The following ABCB9 variants were observed in gnomAD, a reference collection of about 807,000 sequenced individuals.
ABCB9 encodes the protein ABC-type oligopeptide transporter ABCB9.
Under a neutral mutation model 62.0 loss-of-function variants are expected in ABCB9, and 36 were observed. The ratio of observed to expected loss-of-function variants is 0.58; its 90% CI spans 0.45 to 0.77. The LOEUF (loss-of-function observed/expected upper bound fraction) is 0.77, where lower values mean the gene tolerates loss of function less well. ABCB9 is among the 30% of genes least tolerant of loss of function. The pLI is 0.00. For missense variants in ABCB9, 943 were observed against 1,054.7 expected (o/e 0.89, Z 1.47); for synonymous variants, 435 against 461.4 (o/e 0.94, Z 0.73).
At chr12:122,946,517 T>A in intron 5 of ABCB9, 1 of 436,624 alleles carries the variant, frequency 2.3e-6, no homozygotes, top group Non-Finnish European at 4.2e-6. Flanking sequence ...AGGCTATTCA[T>A]GACTGGACAG....
chr12:122,971,993 TATC>T (rs1422494761), intron 1 of ABCB9, among the ~76,000 whole-genome samples: 1 of 151,936 alleles, frequency 6.6e-6, no homozygotes, highest in East Asian at 1.9e-4. Flanking sequence ...ATGTAGATGT[TATC>T]ATAATAAAAA....
At chr12:122,973,549 C>G (rs1256695409) in intron 1 of ABCB9, among the ~76,000 whole-genome samples, 1 of 102,166 alleles carries the variant, frequency 9.8e-6, no homozygotes, top group Non-Finnish European at 1.8e-5. Context: ...CCGGCCTGGG[C>G]GACAGAGCGA....
At chr12:122,968,914 C>A (rs73230021), upstream of ABCB9, among the ~76,000 whole-genome samples, 9 of 152,250 alleles carry the variant, frequency 5.9e-5, no homozygotes, top group Non-Finnish European at 1.0e-4. Flanking sequence ...CGCACCCGGC[C>A]TCTCTGTACC....
chr12:122,927,742 G>C (rs575430985), downstream of ABCB9, among the ~76,000 whole-genome samples: 1 of 152,298 alleles, frequency 6.6e-6, no homozygotes, highest in East Asian at 1.9e-4. Context: ...TGCAGAACAG[G>C]AATGTCCAAC....
In ABCB9 at chr12:122,959,921, T is replaced by G; in HGVS notation, c.315A>C (p.Ser105=). The change falls in exon 2 of 12, where the codon TCA becomes TCC. Residue 105 remains serine (S), a synonymous_variant. Transcript: ENST00000280560. The surrounding 1 kb of genome is among the most constrained non-coding windows in gnomAD (Gnocchi z 5.4). ...GGTCCCGGATGGGCCTGCGCACCTC[T>G]GAGAAGAGCAGCAGCTTCACCATGG... The part of the protein sequence containing the change: ...IYAMVKLLLF[S]EVRRPIRDPW... The G allele has an allele frequency of 6.2e-7, 1 of 1,613,392 alleles. No individual in the cohort carries two copies. The highest frequency in any genetic ancestry group is 8.5e-7 in the Non-Finnish European group (1 of 1,179,904).
At chr12:122,920,077 C>T (rs2034712355), downstream of ABCB9, among the ~76,000 whole-genome samples, 1 of 151,942 alleles carries the variant, frequency 6.6e-6, no homozygotes, top group Non-Finnish European at 1.5e-5. Context: ...GATGAGTTTT[C>T]ACCATGTTGG....
At chr12:122,939,255 C>G (rs2035615769) in intron 9 of ABCB9, among the ~76,000 whole-genome samples, 1 of 152,198 alleles carries the variant, frequency 6.6e-6, no homozygotes, top group Non-Finnish European at 1.5e-5. Context: ...GGTTACCACC[C>G]AGCAATGAAA....
intron 7 of ABCB9, among the ~76,000 whole-genome samples, chr12:122,943,307 C>T (rs899755246): frequency 6.6e-6 from 1 of 152,208 alleles, no homozygotes; most frequent in Non-Finnish European, 1.5e-5. Flanking sequence ...CTCCCACCCC[C>T]GTTTCCTGAG....
At chr12:122,966,936 T>A (rs550955895), upstream of ABCB9, among the ~76,000 whole-genome samples, 1 of 152,262 alleles carries the variant, frequency 6.6e-6, no homozygotes, top group African/African-American at 2.4e-5. Context: ...CGGCGTGCCA[T>A]ATGCCCTTTT....
At chr12:122,936,087 A>G (rs1301312970) in intron 9 of ABCB9, among the ~76,000 whole-genome samples, 2 of 152,186 alleles carry the variant, frequency 1.3e-5, no homozygotes, top group African/African-American at 2.4e-5. Flanking sequence ...TTGCAACACC[A>G]TAAGTAGCAA....
Position 122,930,212 on chromosome 12 carries a change from C to T in ABCB9, c.2041-41G>A, listed in dbSNP as rs1347173180. 1 of 1,502,386 alleles carries T rather than the reference C, an allele frequency of 6.7e-7. No individual in the cohort carries two copies. The highest frequency in any genetic ancestry group is 9.0e-7 in the Non-Finnish European group (1 of 1,116,490). 93.1% of individuals were successfully genotyped at this position (1,502,386 alleles called of 1,614,324 possible). ...GGGCCTGGCTTGCATGGCACGGACG[C>T]CCCACCCGCAACCGTGCTTCATGCC... On this transcript the variant is annotated intron_variant, in intron 11 of 11. Coordinates refer to ENST00000280560, the MANE Select transcript of ABCB9 (RefSeq NM_019625.4). This position sits in a 1 kb window ranked among gnomAD's most constrained non-coding sequence, Gnocchi z 4.9.
rs922476971 is a variant in ABCB9, at chr12:122,936,048, G to A, written c.1744-617C>T. ...CAGAAAGACCCCATATCTACAAAAT[G>A]AAAAAAATATATAGTATGGAAGATA... On this transcript the variant is annotated intron_variant, in intron 9 of 11. Transcript: ENST00000280560. Among the ~76,000 whole-genome samples the A allele has an allele frequency of 5.9e-5, 9 of 151,674 alleles. No homozygotes were observed. The South Asian group carries it at 1.9e-3, about 31-fold the overall frequency.
At chr12:122,925,701 T>C (rs1317961757), downstream of ABCB9, among the ~76,000 whole-genome samples, 3 of 152,046 alleles carry the variant, frequency 2.0e-5, no homozygotes, top group Non-Finnish European at 4.4e-5. Flanking sequence ...TGAGCCGAGA[T>C]TGCATCACCG....
chr12:122,935,131 G>A (rs1032379654), intron 10 of ABCB9, 141 bp downstream of exon 10: 8 of 1,040,404 alleles, frequency 7.7e-6, no homozygotes, highest in Admixed American at 3.2e-5. Context: ...CAGGAGGTTC[G>A]AGTCTGGCCA....
chr12:122,919,451 T>C (rs2034695171), downstream of ABCB9, among the ~76,000 whole-genome samples: 1 of 152,060 alleles, frequency 6.6e-6, no homozygotes, highest in Admixed American at 6.6e-5. Flanking sequence ...GGATTACAAC[T>C]GTGAGCCACT....
chr12:122,969,110 AG>A (rs1160527032), upstream of ABCB9, among the ~76,000 whole-genome samples: 2 of 146,460 alleles, frequency 1.4e-5, no homozygotes, highest in East Asian at 3.9e-4. Context: ...TGACAAGGGG[AG>A]GGTGAAACAG....
chr12:122,933,502 C>G (rs1485560193), intron 10 of ABCB9, among the ~76,000 whole-genome samples: 4 of 151,636 alleles, frequency 2.6e-5, no homozygotes. Flanking sequence ...TGCCGTGAGC[C>G]GAGATCGCGC....
Position 122,940,737 on chromosome 12 carries a change from GT to G in ABCB9, c.1569+69del. ...CCCAGCTGCCCTGCCACAGCCTGGT[GT>G]ATAGGAGGTGCACCAGAAATGGGGT... On this transcript the variant is annotated intron_variant, in intron 8 of 11. Coordinates refer to ENST00000280560, the MANE Select transcript of ABCB9 (RefSeq NM_019625.4). The surrounding 1 kb of genome is among the most constrained non-coding windows in gnomAD (Gnocchi z 4.8). The G allele has an allele frequency of 1.4e-6, 2 of 1,475,064 alleles. No homozygotes were observed. The highest frequency in any genetic ancestry group is 1.8e-6 in the Non-Finnish European group (2 of 1,101,330). The allele number at this position is 1,475,064 out of a possible 1,614,324, so 91.4% of individuals were successfully genotyped here. A position where few individuals can be genotyped will look rare whatever the true frequency, so the allele number is the denominator to read the frequency against.
chr12:122,920,781 C>T (rs1279411780), downstream of ABCB9, among the ~76,000 whole-genome samples: 1 of 151,886 alleles, frequency 6.6e-6, no homozygotes, highest in Non-Finnish European at 1.5e-5. Context: ...GGCATGGTGG[C>T]ACATGCCTGT....
Sources: gnomAD v4.1 joint callset for allele counts (sites outside exome capture counted in the v4.1 genomes callset) on GRCh38, gnomAD v4.1.1 for gene constraint, Gnocchi (gnomAD v3.1) non-coding constraint, MANE v1.5 for transcripts, NCBI Gene and HGNC (gene_info 2026-07-23, HGNC 2026-07-21) for gene names.